The following SDK1 variants were observed in gnomAD, a reference collection of about 807,000 sequenced individuals.
SDK1 encodes the protein protein sidekick-1.
In SDK1, 157 loss-of-function variants were observed where a neutral mutation model predicts 245.5. That is an observed-to-expected ratio of 0.64 (90% CI 0.56 to 0.73). SDK1 has a LOEUF of 0.73. SDK1 is among the 30% of genes least tolerant of loss of function. The pLI is 0.00. For missense variants in SDK1, 3,583 were observed against 3,002.3 expected, an observed-to-expected ratio of 1.19 and a Z score of -4.52; for synonymous variants, 1,647 against 1,278.5, an observed-to-expected ratio of 1.29 and a Z score of -6.15.
chr7:3,661,115 G>T (rs1203477016), intron 4 of SDK1, among the ~76,000 whole-genome samples: 2 of 152,172 alleles, frequency 1.3e-5, no homozygotes, highest in African/African-American at 4.8e-5. Context: ...CAGTGATCTA[G>T]ATAACCATTT....
chr7:3,883,802 A>G (rs998042840), intron 5 of SDK1, among the ~76,000 whole-genome samples: 17 of 147,818 alleles, frequency 1.2e-4, no homozygotes, highest in African/African-American at 3.5e-4. Context: ...CCCTAGTTCT[A>G]GTCTCATCAT....
chr7:4,207,960 G>A (rs1784317361), intron 36 of SDK1, 139 bp from the exon 37 acceptor site: 1 of 660,520 alleles, frequency 1.5e-6, no homozygotes. Context: ...CCTCCAGGAG[G>A]GAGCCTTTCC....
At chr7:3,816,347 A>G (rs1384232424) in intron 4 of SDK1, among the ~76,000 whole-genome samples, 1 of 149,878 alleles carries the variant, frequency 6.7e-6, no homozygotes, top group Non-Finnish European at 1.5e-5. Context: ...ATAGACCGCT[A>G]GCAAGACTAA....
At chr7:4,097,738 G>A (rs28532838) in intron 22 of SDK1, among the ~76,000 whole-genome samples, 40,553 of 152,092 alleles carry the variant, frequency 0.27, 6,124 homozygotes, top group African/African-American at 0.4. Context: ...ATGGAAGGAC[G>A]TGAGACCTGT....
In SDK1 at chr7:3,769,378, G is replaced by A. The variant is rs190879063; in HGVS notation, c.714-52072G>A. ...GGCAGTATATAGTGAGGGGGACTGAGCCTGGAACCTCAGGTCTCTCTTCTT... is the reference window on the plus strand; with the variant it reads ...GGCAGTATATAGTGAGGGGGACTGAACCTGGAACCTCAGGTCTCTCTTCTT... On this transcript the variant is annotated intron_variant, in intron 4 of 44. Coordinates refer to ENST00000404826, the MANE Select transcript of SDK1 (RefSeq NM_152744.4). 1.6e-4 allele frequency among the ~76,000 whole-genome samples: 24 copies of A among 152,252 alleles called. No individual in the cohort carries two copies. In the East Asian group the frequency reaches 2.7e-3, roughly 17 times the overall value.
chr7:3,971,405 C>A, intron 11 of SDK1, 61 bp from the exon 12 acceptor site: 8 of 1,193,604 alleles, frequency 6.7e-6, no homozygotes, highest in Non-Finnish European at 8.6e-6. Context: ...ATTATCCCCC[C>A]TGAGGGCAGA....
At chr7:3,487,103 G>C (rs748053196) in intron 1 of SDK1, among the ~76,000 whole-genome samples, 9 of 152,180 alleles carry the variant, frequency 5.9e-5, no homozygotes, top group Non-Finnish European at 8.8e-5. Context: ...TGCAAGTGCA[G>C]CTCTGTTCCA....
At chr7:3,540,443 C>T (rs987598343) in intron 1 of SDK1, among the ~76,000 whole-genome samples, 2 of 152,028 alleles carry the variant, frequency 1.3e-5, no homozygotes, top group Non-Finnish European at 2.9e-5. Flanking sequence ...TTGCTGGGAA[C>T]CTTCATTTAA....
At chr7:3,348,802 C>G (rs1780577905) in intron 1 of SDK1, among the ~76,000 whole-genome samples, 1 of 152,196 alleles carries the variant, frequency 6.6e-6, no homozygotes, top group Non-Finnish European at 1.5e-5. Context: ...GTGCCAAGTA[C>G]TATGCCTGGA....
intron 17 of SDK1, among the ~76,000 whole-genome samples, chr7:4,023,632 G>A (rs1183465074): frequency 6.6e-6 from 1 of 152,188 alleles, no homozygotes; most frequent in Non-Finnish European, 1.5e-5. Context: ...CGAGTGCCCA[G>A]TATAATTAGA....
intron 22 of SDK1, among the ~76,000 whole-genome samples, chr7:4,083,370 C>G (rs1403935525): frequency 6.6e-6 from 1 of 152,068 alleles, no homozygotes; most frequent in African/African-American, 2.4e-5. Context: ...ATGCAGTTGC[C>G]TCGTTGAGAA....
chr7:4,127,297 CTTGA>C, intron 25 of SDK1, 80 bp from the exon 26 acceptor site: 1 of 1,032,742 alleles, frequency 9.7e-7, no homozygotes, highest in Non-Finnish European at 1.5e-6. Flanking sequence ...TCAAGGACAA[CTTGA>C]TTATTTGGGT....
chr7:3,495,681 G>A (rs1447993866), intron 1 of SDK1, among the ~76,000 whole-genome samples: 1 of 152,322 alleles, frequency 6.6e-6, no homozygotes, highest in Admixed American at 6.5e-5. Flanking sequence ...CAACTACTCC[G>A]TGTGGTTCCT....
At chr7:3,722,032 G>GC (rs1562395891) in intron 4 of SDK1, among the ~76,000 whole-genome samples, 1 of 151,564 alleles carries the variant, frequency 6.6e-6, no homozygotes, top group African/African-American at 2.4e-5. Context: ...TTGACCTCTT[G>GC]TTTTTTTTGT....
At chr7:3,681,325 G>A (rs1784094186) in intron 4 of SDK1, among the ~76,000 whole-genome samples, 1 of 152,040 alleles carries the variant, frequency 6.6e-6, no homozygotes, top group Non-Finnish European at 1.5e-5. Context: ...TGCTGTTTAA[G>A]ATTCCATTGT....
At chr7:3,811,607 C>G (rs1450468822) in intron 4 of SDK1, among the ~76,000 whole-genome samples, 1 of 152,158 alleles carries the variant, frequency 6.6e-6, no homozygotes, top group Non-Finnish European at 1.5e-5. Context: ...GACCACCCAC[C>G]AAAGCCCCTC....
intron 4 of SDK1, among the ~76,000 whole-genome samples, chr7:3,685,838 TAAGAA>T (rs1359591752): frequency 1.3e-5 from 2 of 151,830 alleles, no homozygotes; most frequent in Non-Finnish European, 2.9e-5. Flanking sequence ...TATAGGAAGA[TAAGAA>T]AAGAGAGAAT....
chr7:3,649,843 G>A (rs1782953518), intron 4 of SDK1, among the ~76,000 whole-genome samples: 1 of 152,040 alleles, frequency 6.6e-6, no homozygotes, highest in Admixed American at 6.6e-5. Flanking sequence ...CAGCCCTGTA[G>A]AGCCCCAGAG....
chr7:3,829,651 A>AAG (rs1426721330), intron 5 of SDK1, among the ~76,000 whole-genome samples: 1 of 152,212 alleles, frequency 6.6e-6, no homozygotes, highest in Non-Finnish European at 1.5e-5. Context: ...AAACGTGTCC[A>AAG]AGAGAGAAGC....
Sources: gnomAD v4.1 joint callset for allele counts (sites outside exome capture counted in the v4.1 genomes callset) on GRCh38, gnomAD v4.1.1 for gene constraint, MANE v1.5 for transcripts, NCBI Gene and HGNC (gene_info 2026-07-23, HGNC 2026-07-21) for gene names.